Variants in RAI14 observed in about 807,000 individuals in gnomAD.
RAI14 encodes the protein ankycorbin.
Under a neutral mutation model 115.4 loss-of-function variants are expected in RAI14, and 45 were observed. The observed-to-expected ratio is 0.39, with a 90% confidence interval of 0.31 to 0.50. The LOEUF (loss-of-function observed/expected upper bound fraction) is 0.50. Ranked by LOEUF, RAI14 falls within the 20% of genes least tolerant of loss-of-function variation. The probability of loss-of-function intolerance (pLI) is 0.85; values close to 1 mark genes in which losing one functional copy is unlikely to be tolerated. For missense variants in RAI14, 939 were observed against 1,131.2 expected (o/e 0.83, Z 2.44); for synonymous variants, 371 against 415.4 (o/e 0.89, Z 1.30).
chr5:34,812,861 G>A (rs755955488), intron 10 of RAI14, among the ~76,000 whole-genome samples: 2 of 152,162 alleles, frequency 1.3e-5, no homozygotes, highest in Non-Finnish European at 2.9e-5. Context: ...TATCACATGA[G>A]CTACAGAGCT....
At chr5:34,796,853 C>T (rs1753602770) in intron 4 of RAI14, among the ~76,000 whole-genome samples, 1 of 152,156 alleles carries the variant, frequency 6.6e-6, no homozygotes, top group African/African-American at 2.4e-5. Flanking sequence ...CACATACACA[C>T]ACACACAAAT....
At chr5:34,812,312 A>G (rs1347276234) in intron 10 of RAI14, 104 bp downstream of exon 10, 11 of 1,005,586 alleles carry the variant, frequency 1.1e-5, no homozygotes, top group East Asian at 7.3e-5. Flanking sequence ...AATAAAGACT[A>G]TATTGAAAAT....
At chr5:34,792,597 T>C (rs1453566095) in intron 3 of RAI14, among the ~76,000 whole-genome samples, 1 of 152,210 alleles carries the variant, frequency 6.6e-6, no homozygotes, top group Non-Finnish European at 1.5e-5. Flanking sequence ...CAGAAGCTTT[T>C]GTGTGACATC....
At chr5:34,667,723 C>T (rs978330834) in intron 1 of RAI14, among the ~76,000 whole-genome samples, 1 of 152,028 alleles carries the variant, frequency 6.6e-6, no homozygotes, top group African/African-American at 2.4e-5. Context: ...CAATTCACCT[C>T]GAAGAAGAGG....
chr5:34,696,782 A>C (rs1225927745), intron 2 of RAI14, among the ~76,000 whole-genome samples: 1 of 152,176 alleles, frequency 6.6e-6, no homozygotes, highest in East Asian at 1.9e-4. Flanking sequence ...CTATTGGTAG[A>C]AGTCTGTTGC....
chr5:34,722,807 C>T (rs1024621610), intron 2 of RAI14, among the ~76,000 whole-genome samples: 1 of 144,626 alleles, frequency 6.9e-6, no homozygotes. Context: ...GATTGCGCCA[C>T]TTTGGGAATC....
chr5:34,799,757 G>A (rs1451561551), intron 4 of RAI14, among the ~76,000 whole-genome samples: 3 of 140,398 alleles, frequency 2.1e-5, no homozygotes, highest in Non-Finnish European at 3.0e-5. Context: ...GCACGATCTC[G>A]GCTCACTGCA....
At chr5:34,680,990 G>A (rs569325183) in intron 1 of RAI14, among the ~76,000 whole-genome samples, 9 of 152,304 alleles carry the variant, frequency 5.9e-5, no homozygotes, top group Admixed American at 1.3e-4. Context: ...AACAGTACCC[G>A]TTGGGCCCTG....
intron 2 of RAI14, chr5:34,757,264 G>T: frequency 1.6e-6 from 1 of 636,280 alleles, no homozygotes; most frequent in Non-Finnish European, 2.9e-6. Context: ...TGATTTCATT[G>T]CACTATTTAT....
chr5:34,786,562 G>C (rs745678516), intron 3 of RAI14, among the ~76,000 whole-genome samples: 1 of 152,148 alleles, frequency 6.6e-6, no homozygotes, highest in Non-Finnish European at 1.5e-5. Flanking sequence ...AGGTTCCAAG[G>C]TGGAACGAAC....
At chr5:34,807,891 C>T in intron 6 of RAI14, 34 bp downstream of exon 6, 3 of 1,530,054 alleles carry the variant, frequency 2.0e-6, no homozygotes, top group Non-Finnish European at 2.7e-6. Context: ...CTTCTTCTGC[C>T]ATTAGAAACA....
chr5:34,814,826 T>G (rs1054927823), intron 12 of RAI14, among the ~76,000 whole-genome samples, 157 bp downstream of exon 12: 1 of 152,186 alleles, frequency 6.6e-6, no homozygotes, highest in Non-Finnish European at 1.5e-5. Flanking sequence ...TTTTCTGGCA[T>G]GGACCCCATA....
intron 1 of RAI14, among the ~76,000 whole-genome samples, chr5:34,679,970 T>A (rs1744270067): frequency 6.6e-6 from 1 of 152,218 alleles, no homozygotes; most frequent in Admixed American, 6.5e-5. Flanking sequence ...TTATCCTATA[T>A]CTTTGTTCTG....
At position 34,791,477 on chromosome 5, in the gene RAI14, CA is replaced by C. The variant is rs1752910530; in HGVS notation, c.168-4459del. ...AATGCCCGTATATTAAATAAGCAAA[CA>C]AACTATATGTGGCAATTAAAACTTA... is the stretch of plus-strand genomic sequence containing the variant. On this transcript the variant is annotated intron_variant, in intron 3 of 17. Coordinates refer to ENST00000265109, the MANE Select transcript of RAI14 (RefSeq NM_015577.3). This position sits in a 1 kb window ranked among gnomAD's most constrained non-coding sequence, Gnocchi z 5.4. Among the ~76,000 whole-genome samples, 1 of 151,792 alleles carries C rather than the reference CA, an allele frequency of 6.6e-6. No homozygotes were observed. The highest frequency in any genetic ancestry group is 2.4e-5 in the African/African-American group (1 of 41,308).
Position 34,824,402 on chromosome 5 carries a change from C to G in RAI14, c.2560C>G (p.Gln854Glu), listed in dbSNP as rs899498823. 1 of 1,608,658 alleles carries G rather than the reference C, an allele frequency of 6.2e-7. No homozygotes were observed. The highest frequency in any genetic ancestry group is 8.5e-7 in the Non-Finnish European group (1 of 1,175,846). ...AGAGCAAGAAGTAAATGAACTTCTG[C>G]AAAAATTCCAGCAAGCTCAGGAAGA... Reference protein sequence around the residue: ...SKEQEVNELLQKFQQAQEELA... With the variant: ...SKEQEVNELLEKFQQAQEELA... Residue 854 changes from glutamine (Q) to glutamate (E), a missense_variant, in exon 15 of 18, where the codon CAA (glutamine) becomes GAA (glutamate). Gln to Glu is a conservative substitution (Grantham distance 29). Transcript: ENST00000265109.
At chr5:34,812,369 G>T (rs1367265908) in intron 10 of RAI14, among the ~76,000 whole-genome samples, 161 bp downstream of exon 10, 1 of 152,154 alleles carries the variant, frequency 6.6e-6, no homozygotes, top group Non-Finnish European at 1.5e-5. Context: ...TTGTTATAAG[G>T]TGTTAAAGGT....
At chr5:34,738,216 G>A (rs1745099070) in intron 2 of RAI14, among the ~76,000 whole-genome samples, 1 of 152,046 alleles carries the variant, frequency 6.6e-6, no homozygotes. Context: ...TTGAGCTCAG[G>A]AGTTTGAGAC....
At chr5:34,735,642 T>C (rs1435798432) in intron 2 of RAI14, among the ~76,000 whole-genome samples, 1 of 152,204 alleles carries the variant, frequency 6.6e-6, no homozygotes, top group Admixed American at 6.5e-5. Context: ...AACTAGAAAA[T>C]GTGAACACTC....
chr5:34,772,721 C>T (rs142334851), intron 3 of RAI14, among the ~76,000 whole-genome samples: 4 of 152,272 alleles, frequency 2.6e-5, no homozygotes, highest in Admixed American at 1.3e-4. Context: ...ATTGTGCCTC[C>T]GTTGGTCCCT....
Sources: gnomAD v4.1 joint callset for allele counts (sites outside exome capture counted in the v4.1 genomes callset) on GRCh38, gnomAD v4.1.1 for gene constraint, Gnocchi (gnomAD v3.1) non-coding constraint, MANE v1.5 for transcripts, NCBI Gene and HGNC (gene_info 2026-07-23, HGNC 2026-07-21) for gene names.